The following FSTL4 variants were observed in gnomAD, a reference collection of about 807,000 sequenced individuals.
FSTL4 encodes the protein follistatin-related protein 4.
Under a neutral mutation model 78.2 loss-of-function variants are expected in FSTL4, and 28 were observed. The ratio of observed to expected loss-of-function variants is 0.36; its 90% CI spans 0.27 to 0.49. FSTL4 has a LOEUF of 0.49. FSTL4 is among the 20% of genes least tolerant of loss of function. The pLI, the probability that FSTL4 is intolerant of heterozygous loss-of-function variation, is 0.98. For synonymous variants in FSTL4, 422 were observed against 440.5 expected (o/e 0.96, Z 0.53); for missense variants, 922 against 1,084.9 (o/e 0.85, Z 2.11).
At chr5:133,370,702 C>T (rs995583633) in intron 4 of FSTL4, among the ~76,000 whole-genome samples, 6 of 152,000 alleles carry the variant, frequency 3.9e-5, no homozygotes. Context: ...TGAGGCGGTG[C>T]TGTGGGAAGT....
intron 3 of FSTL4, among the ~76,000 whole-genome samples, chr5:133,401,862 TG>T (rs1178466026): frequency 6.6e-6 from 1 of 151,838 alleles, no homozygotes; most frequent in Non-Finnish European, 1.5e-5. Context: ...TGTACAGTGG[TG>T]GGGTTGGGGG....
intron 3 of FSTL4, among the ~76,000 whole-genome samples, chr5:133,555,638 C>A (rs569690112): frequency 1.3e-5 from 2 of 152,324 alleles, no homozygotes; most frequent in African/African-American, 4.8e-5. Flanking sequence ...TATGCCAGCA[C>A]AGCTTTACAG....
At chr5:133,467,016 G>A (rs113186441) in intron 3 of FSTL4, among the ~76,000 whole-genome samples, 1,861 of 152,068 alleles carry the variant, frequency 0.012, 32 homozygotes, top group African/African-American at 0.043. Flanking sequence ...GAGTGTGTGA[G>A]CATGTGTGAG....
intron 3 of FSTL4, among the ~76,000 whole-genome samples, chr5:133,563,050 GCA>G (rs1192196491): frequency 2.0e-5 from 3 of 152,186 alleles, no homozygotes; most frequent in Non-Finnish European, 2.9e-5. Flanking sequence ...GCACTGGAAA[GCA>G]CAGAGAGATG....
At position 133,316,547 on chromosome 5, in the gene FSTL4, G is replaced by T. The variant is rs1196548172; in HGVS notation, c.515C>A (p.Ala172Asp). 1 of 1,613,848 alleles carries T rather than the reference G, an allele frequency of 6.2e-7. No individual in the cohort carries two copies. Among genetic ancestry groups the T allele is most frequent in the Admixed American group, 1.7e-5 (1 of 60,006 alleles). Reference protein sequence around the residue: ...LQEGDSRQDPASQKRLLVESL... With the variant: ...LQEGDSRQDPDSQKRLLVESL... The stretch of plus-strand genomic sequence containing the variant: ...TTCCACCAGGAGGCGCTTCTGGGAG[G>T]CAGGGTCTTGTCTGCTGTCTCCTTC... Residue 172 changes from alanine to aspartate, a missense_variant, in exon 5 of 16, where the codon GCC (alanine) becomes GAC (aspartate). By Grantham distance (126) the Ala-to-Asp change is moderately radical. Coordinates refer to ENST00000265342, the MANE Select transcript of FSTL4 (RefSeq NM_015082.2).
the FSTL4 span, among the ~76,000 whole-genome samples, chr5:133,722,428 C>T: frequency 6.6e-6 from 1 of 152,128 alleles, no homozygotes; most frequent in Non-Finnish European, 1.5e-5. Flanking sequence ...TTCTTCAGCT[C>T]CGTGATTTCT....
At chr5:133,524,411 A>C (rs796684788) in intron 3 of FSTL4, among the ~76,000 whole-genome samples, 20 of 152,330 alleles carry the variant, frequency 1.3e-4, no homozygotes, top group African/African-American at 4.8e-4. Context: ...AGCCAGAGTC[A>C]CAGCCTCTGG....
the FSTL4 span, among the ~76,000 whole-genome samples, chr5:133,750,943 C>A: frequency 1.5e-4 from 23 of 152,156 alleles, no homozygotes; most frequent in Admixed American, 4.6e-4. Context: ...CAGCCTCCCC[C>A]ACCCAGTACT....
intron 3 of FSTL4, among the ~76,000 whole-genome samples, chr5:133,427,020 T>G (rs1034512331): frequency 6.6e-6 from 1 of 152,184 alleles, no homozygotes; most frequent in Admixed American, 6.5e-5. Context: ...TTCCTCACAG[T>G]ACTCTTCCAT....
At chr5:133,671,831 AAT>A in the FSTL4 span, among the ~76,000 whole-genome samples, 1 of 152,256 alleles carries the variant, frequency 6.6e-6, no homozygotes, top group African/African-American at 2.4e-5. Flanking sequence ...GCTATGACCT[AAT>A]GCTTGCTTGG....
chr5:133,255,067 C>T (rs771161246), intron 6 of FSTL4, among the ~76,000 whole-genome samples: 6 of 152,218 alleles, frequency 3.9e-5, no homozygotes, highest in African/African-American at 1.4e-4. Context: ...TGTTGACTGA[C>T]CATCTGTGGG....
At chr5:133,265,356 T>C (rs1179058284) in intron 6 of FSTL4, among the ~76,000 whole-genome samples, 1 of 152,152 alleles carries the variant, frequency 6.6e-6, no homozygotes, top group Non-Finnish European at 1.5e-5. Context: ...CTCAAAACTA[T>C]GCAAATATGC....
chr5:133,554,438 T>C (rs1001758390), intron 3 of FSTL4, among the ~76,000 whole-genome samples: 2 of 152,228 alleles, frequency 1.3e-5, no homozygotes, highest in African/African-American at 2.4e-5. Flanking sequence ...ATTGAGCTAA[T>C]AGATGTCAAA....
chr5:133,199,387 C>G lies in FSTL4; in HGVS notation c.2237G>C (p.Ser746Thr), dbSNP rs750342687. ...AGCCGCGTAGATGTTGTATTGATTG[C>G]TTTCAGTGAAGGAGCGCTGGAAGGC... ...DLAFQRSFTE[S>T]NQYNIYAALH... Residue 746 changes from serine to threonine, a missense_variant, in exon 16 of 16, where the codon AGC becomes ACC. Ser to Thr is a moderately conservative substitution (Grantham distance 58). Transcript: ENST00000265342. This position sits in a 1 kb window ranked among gnomAD's most constrained non-coding sequence, Gnocchi z 4.4. The G allele has an allele frequency of 5.6e-6, 9 of 1,614,078 alleles. No individual in the cohort carries two copies. Among genetic ancestry groups the G allele is most frequent in the Non-Finnish European group, 7.6e-6 (9 of 1,180,036 alleles).
the FSTL4 span, among the ~76,000 whole-genome samples, chr5:133,654,643 A>T: frequency 1.3e-5 from 2 of 152,184 alleles, no homozygotes; most frequent in Non-Finnish European, 1.5e-5. Flanking sequence ...GATGCTGGTC[A>T]TGTGGAAGGG....
chr5:133,347,238 G>C (rs1303160085), intron 4 of FSTL4, among the ~76,000 whole-genome samples: 1 of 149,356 alleles, frequency 6.7e-6, no homozygotes, highest in Non-Finnish European at 1.5e-5. Flanking sequence ...CCCCTGGGAG[G>C]GCTGCGTGTG....
intron 3 of FSTL4, among the ~76,000 whole-genome samples, chr5:133,519,886 C>T (rs760126499): frequency 2.0e-5 from 3 of 152,160 alleles, no homozygotes; most frequent in Non-Finnish European, 2.9e-5. Context: ...ATGTAGGTGT[C>T]ACCCTAGCAA....
At chr5:133,711,788 T>G in the FSTL4 span, among the ~76,000 whole-genome samples, 1 of 152,188 alleles carries the variant, frequency 6.6e-6, no homozygotes, top group South Asian at 2.1e-4. Flanking sequence ...GCATTCCATT[T>G]CGTGGACTGA....
chr5:133,777,564 C>T, the FSTL4 span, among the ~76,000 whole-genome samples: 1 of 152,234 alleles, frequency 6.6e-6, no homozygotes, highest in Non-Finnish European at 1.5e-5. Context: ...CCTCCCAAGA[C>T]AATCACTGTT....
Sources: gnomAD v4.1 joint callset for allele counts (sites outside exome capture counted in the v4.1 genomes callset) on GRCh38, gnomAD v4.1.1 for gene constraint, Gnocchi (gnomAD v3.1) non-coding constraint, MANE v1.5 for transcripts, NCBI Gene and HGNC (gene_info 2026-07-23, HGNC 2026-07-21) for gene names.